ZFAT: variants seen among roughly 807,000 people sequenced by gnomAD.
ZFAT encodes zinc finger protein ZFAT.
Under a neutral mutation model 117.7 loss-of-function variants are expected in ZFAT, and 64 were observed. The ratio of observed to expected loss-of-function variants is 0.54; its 90% CI spans 0.44 to 0.67. The LOEUF is 0.67. ZFAT is among the 30% of genes least tolerant of loss of function. The probability of loss-of-function intolerance (pLI) is 0.00; values close to 1 mark genes in which losing one functional copy is unlikely to be tolerated. For missense variants in ZFAT, 1,433 were observed against 1,584.5 expected (o/e 0.90, Z 1.62); for synonymous variants, 679 against 615.0 (o/e 1.10, Z -1.54).
the ZFAT span, among the ~76,000 whole-genome samples, chr8:134,801,162 C>T: frequency 9.1e-4 from 139 of 151,946 alleles, no homozygotes; most frequent in African/African-American, 3.3e-3. Flanking sequence ...ATCTCTCCTC[C>T]CCCTCAACCC....
At chr8:134,751,600 T>C in the ZFAT span, among the ~76,000 whole-genome samples, 3 of 152,170 alleles carry the variant, frequency 2.0e-5, no homozygotes, top group Admixed American at 1.3e-4. Flanking sequence ...ACTACTTAAA[T>C]CTTTTATCTC....
the ZFAT span, among the ~76,000 whole-genome samples, chr8:134,810,120 A>G: frequency 1.3e-5 from 2 of 152,234 alleles, no homozygotes; most frequent in African/African-American, 4.8e-5. Context: ...TATAGATTCT[A>G]TAGTGCGTTC....
At chr8:134,698,375 A>C (rs918954813) in intron 1 of ZFAT, among the ~76,000 whole-genome samples, 14 of 152,080 alleles carry the variant, frequency 9.2e-5, no homozygotes, top group African/African-American at 3.4e-4. Context: ...GAAGGAGGCA[A>C]GGGAAGGCAG....
At chr8:134,541,581 G>T (rs112285244) in intron 11 of ZFAT, among the ~76,000 whole-genome samples, 3 of 151,992 alleles carry the variant, frequency 2.0e-5, no homozygotes, top group Non-Finnish European at 4.4e-5. Context: ...TCAGTTAATC[G>T]TCATTTACCA....
intron 11 of ZFAT, among the ~76,000 whole-genome samples, chr8:134,564,224 A>G (rs1824260628): frequency 6.7e-6 from 1 of 149,948 alleles, no homozygotes; most frequent in African/African-American, 2.5e-5. Context: ...AAGAGTATCT[A>G]GATTGTTGCC....
intron 2 of ZFAT, among the ~76,000 whole-genome samples, chr8:134,643,555 CTCTT>C (rs1441050855): frequency 6.6e-6 from 1 of 152,202 alleles, no homozygotes; most frequent in Non-Finnish European, 1.5e-5. Flanking sequence ...TATCTTATCT[CTCTT>C]TGACAGGTGA....
Position 134,637,618 on chromosome 8 carries a change from C to G in ZFAT, c.291G>C (p.Pro97=). The G allele has an allele frequency of 6.2e-7, 1 of 1,614,232 alleles. No homozygotes were observed. Among genetic ancestry groups the G allele is most frequent in the Non-Finnish European group, 8.5e-7 (1 of 1,180,056 alleles). Residue 97 remains proline (P), a synonymous_variant, in exon 3 of 16, where the codon CCG becomes CCC. Coordinates refer to ENST00000377838, the MANE Select transcript of ZFAT (RefSeq NM_020863.4). ...EEELAENIVS[P]TEDSPLAPEE... The stretch of plus-strand genomic sequence containing the variant: ...CCGGAGCCAGCGGGCTGTCCTCAGT[C>G]GGACTCACGATGTTTTCTGCCAGCT...
the ZFAT span, among the ~76,000 whole-genome samples, chr8:134,809,905 C>CAA: frequency 6.6e-6 from 1 of 152,136 alleles, no homozygotes; most frequent in Non-Finnish European, 1.5e-5. Flanking sequence ...AGTGCCCACT[C>CAA]AAAGACCTAG....
At chr8:134,658,197 C>T (rs1371763519) in intron 1 of ZFAT, among the ~76,000 whole-genome samples, 1 of 152,128 alleles carries the variant, frequency 6.6e-6, no homozygotes, top group Non-Finnish European at 1.5e-5. Flanking sequence ...ATTAGCCAGG[C>T]ATGGCAGCGT....
rs758050176 is a variant in ZFAT at position 134,638,549 on chromosome 8, C to CAAAAAAAAAAAAAAAAAA, written c.197-838_197-837insTTTTTTTTTTTTTTTTTT. ...TGAAACTCTGTCTCTACTAAAAATA[C>CAAAAAAAAAAAAAAAAAA]AAAAAAAAAACAAAACAAAAAAAAA... is the stretch of plus-strand genomic sequence containing the variant. On this transcript the variant is annotated intron_variant, in intron 2 of 15. Transcript: ENST00000377838. Among the ~76,000 whole-genome samples, 28 of 101,128 alleles carry CAAAAAAAAAAAAAAAAAA rather than the reference C, an allele frequency of 2.8e-4. 6 individuals are homozygous for CAAAAAAAAAAAAAAAAAA. Among genetic ancestry groups the CAAAAAAAAAAAAAAAAAA allele is most frequent in the African/African-American group, 6.7e-4 (18 of 26,868 alleles). The allele number at this position is 101,128 out of a possible 152,430, so 66.3% of individuals were successfully genotyped here.
the ZFAT span, among the ~76,000 whole-genome samples, chr8:134,814,219 T>C: frequency 7.2e-4 from 110 of 152,306 alleles, no homozygotes; most frequent in African/African-American, 2.6e-3. Context: ...AACAATGAAC[T>C]CATGTGCTAG....
At chr8:134,829,994 A>G in the ZFAT span, among the ~76,000 whole-genome samples, 1 of 152,248 alleles carries the variant, frequency 6.6e-6, no homozygotes, top group African/African-American at 2.4e-5. Flanking sequence ...TGATTTTTTA[A>G]AAAACCAAGA....
At chr8:134,675,041 C>G (rs1586933132) in intron 1 of ZFAT, among the ~76,000 whole-genome samples, 1 of 152,210 alleles carries the variant, frequency 6.6e-6, no homozygotes, top group African/African-American at 2.4e-5. Context: ...AACCAGAAAG[C>G]CTCTTCTCCT....
chr8:134,768,097 T>A, the ZFAT span, among the ~76,000 whole-genome samples: 1 of 152,204 alleles, frequency 6.6e-6, no homozygotes, highest in Non-Finnish European at 1.5e-5. Flanking sequence ...GGAGATACTG[T>A]TTTTTGTTTT....
chr8:134,769,739 TC>T, the ZFAT span, among the ~76,000 whole-genome samples: 2 of 151,964 alleles, frequency 1.3e-5, no homozygotes, highest in Non-Finnish European at 2.9e-5. Flanking sequence ...GAGCCACGCC[TC>T]CCCCCATCCC....
At chr8:134,788,696 A>T in the ZFAT span, among the ~76,000 whole-genome samples, 4 of 152,162 alleles carry the variant, frequency 2.6e-5, no homozygotes, top group African/African-American at 9.6e-5. Context: ...ATGGTTAGAC[A>T]CTTACCTATT....
chr8:134,488,104 T>C (rs1449749222), intron 15 of ZFAT, among the ~76,000 whole-genome samples: 7 of 152,162 alleles, frequency 4.6e-5, no homozygotes, highest in Non-Finnish European at 7.4e-5. Flanking sequence ...GGCACTGCGG[T>C]TCCAGGGGGA....
intron 11 of ZFAT, among the ~76,000 whole-genome samples, chr8:134,534,455 C>T (rs1156257563): frequency 6.6e-6 from 1 of 152,186 alleles, no homozygotes; most frequent in East Asian, 1.9e-4. Flanking sequence ...AGAAAATGTC[C>T]TCTCATCTTT....
intron 1 of ZFAT, among the ~76,000 whole-genome samples, chr8:134,683,842 T>A (rs1833188258): frequency 6.6e-6 from 1 of 152,012 alleles, no homozygotes; most frequent in South Asian, 2.1e-4. Context: ...CCAGGTCTAG[T>A]CAATGGAGGC....
Sources: gnomAD v4.1 joint callset for allele counts (sites outside exome capture counted in the v4.1 genomes callset) on GRCh38, gnomAD v4.1.1 for gene constraint, MANE v1.5 for transcripts, NCBI Gene and HGNC (gene_info 2026-07-23, HGNC 2026-07-21) for gene names.